CEP295: variants seen among roughly 807,000 people sequenced by gnomAD.
CEP295 encodes the protein centrosomal protein 295.
Under a neutral mutation model 291.6 loss-of-function variants are expected in CEP295, and 190 were observed. The observed-to-expected ratio is 0.65, with a 90% CI of 0.58 to 0.73. The LOEUF is 0.73. Ranked by LOEUF, CEP295 falls within the 30% of genes least tolerant of loss-of-function variation. The pLI, the probability that CEP295 is intolerant of heterozygous loss-of-function variation, is 0.00. For missense variants in CEP295, 2,863 were observed against 2,949.4 expected (o/e 0.97, Z 0.68); for synonymous variants, 993 against 1,038.8 (o/e 0.96, Z 0.85).
Position 93,679,312 on chromosome 11 carries a change from T to C in CEP295, c.625-100T>C, listed in dbSNP as rs1590995855. 6.9e-5 allele frequency: 67 copies of C among 964,802 alleles called. No homozygotes were observed. In the East Asian group the frequency reaches 1.8e-3, roughly 26 times the overall value. 59.8% of individuals were successfully genotyped at this position (964,802 alleles called of 1,614,324 possible). On this transcript the variant is annotated intron_variant, in intron 6 of 29. Coordinates refer to ENST00000325212, the MANE Select transcript of CEP295 (RefSeq NM_033395.2). Reference sequence around the variant, plus strand: ...TTAAAATATAACTCTTCTTATATTTTATATATGTAGAAAACATGATTTTAA... The same window carrying C: ...TTAAAATATAACTCTTCTTATATTTCATATATGTAGAAAACATGATTTTAA...
intron 9 of CEP295, 32 bp downstream of exon 9, chr11:93,684,160 ATTTC>A (rs1310143253): frequency 6.6e-7 from 1 of 1,524,844 alleles, no homozygotes; most frequent in Non-Finnish European, 8.8e-7. Flanking sequence ...ATATTACAGT[ATTTC>A]ACAGAAAAAA....
In CEP295 at chr11:93,698,206, C is replaced by T. The variant is rs1367337930; in HGVS notation, c.3294C>T (p.Ser1098=). The change falls in exon 15 of 30, where the codon AGC becomes AGT. Residue 1098 remains serine (S), a synonymous_variant. Transcript: ENST00000325212. ...DLGDSKSGLV[S]SSSSPVVVQH... ...GGGACAGTAAGTCTGGGCTGGTGAG[C>T]TCTTCATCCTCACCAGTGGTTGTTC... 1 of 1,551,842 alleles carries T rather than the reference C, an allele frequency of 6.4e-7. No individual in the cohort carries two copies. The highest frequency in any genetic ancestry group is 8.7e-7 in the Non-Finnish European group (1 of 1,146,934).
chr11:93,724,754 C>A (rs1437408701), intron 22 of CEP295, among the ~76,000 whole-genome samples: 1 of 151,850 alleles, frequency 6.6e-6, no homozygotes, highest in South Asian at 2.1e-4. Context: ...GTGACAGAGC[C>A]AGACCCTGTC....
In CEP295 at chr11:93,675,653, C is replaced by T. The variant is rs1192194817; in HGVS notation, c.611C>T (p.Thr204Ile). The T allele has an allele frequency of 6.8e-7, 1 of 1,480,942 alleles. No homozygotes were observed. The allele number at this position is 1,480,942 out of a possible 1,614,324, so 91.7% of individuals were successfully genotyped here. A position where few individuals can be genotyped will look rare whatever the true frequency, so the allele number is the denominator to read the frequency against. The change falls in exon 6 of 30, where the codon ACA becomes ATA. Residue 204 changes from threonine to isoleucine, a missense_variant. Thr to Ile is a moderately conservative substitution (Grantham distance 89). Around this residue, in one of 3 missense-constraint regions of CEP295, gnomAD observed 554 missense variants for 576.0 expected, o/e 0.96. Coordinates refer to ENST00000325212, the MANE Select transcript of CEP295 (RefSeq NM_033395.2). ...HHLHTFVNRE[T>I]DTKRPDARLA... is the part of the protein sequence containing the mutation. ...CTTCACACTTTTGTGAATAGAGAGACAGACACAAAACGGGTGATTGACTTA... is the reference window on the plus strand; with the variant it reads ...CTTCACACTTTTGTGAATAGAGAGATAGACACAAAACGGGTGATTGACTTA...
In CEP295 at chr11:93,725,658, AT is replaced by A; in HGVS notation, c.6328del (p.Ser2110LeufsTer21). ...CCTTTTGTTTCCTGCCAGAGATCAG[AT>A]TCTTCATCTGAAAGCCACTGTGCTA... The part of the protein sequence containing the change: ...PDNRDFYQRS[D>X]SSSESHCATG... On this transcript the variant is annotated frameshift_variant, in exon 23 of 30. Transcript: ENST00000325212. LOFTEE classifies it high-confidence loss of function. 6.5e-7 allele frequency: 1 copy of A among 1,538,220 alleles called. No individual in the cohort carries two copies. The highest frequency in any genetic ancestry group is 8.7e-7 in the Non-Finnish European group (1 of 1,143,214).
chr11:93,687,978 C>A, intron 10 of CEP295, 113 bp downstream of exon 10: 1 of 633,058 alleles, frequency 1.6e-6, no homozygotes, highest in Non-Finnish European at 2.5e-6. Context: ...CATAATCCTG[C>A]TAATTAAAAG....
At position 93,689,809 on chromosome 11, in the gene CEP295, G is replaced by A. The variant is rs563680268; in HGVS notation, c.1337-1874G>A. On this transcript the variant is annotated intron_variant, in intron 10 of 29. Coordinates refer to ENST00000325212, the MANE Select transcript of CEP295 (RefSeq NM_033395.2). ...TCCCCAGAGTCTAGACTACTGCCTT[G>A]TACAAAACAGGTGCTCAGTTAACAT... Among the ~76,000 whole-genome samples, 4 of 152,276 alleles carry A rather than the reference G, an allele frequency of 2.6e-5. No homozygotes were observed. The South Asian group carries it at 6.2e-4, about 24-fold the overall frequency.
chr11:93,724,507 C>T (rs971585827), intron 22 of CEP295, 132 bp downstream of exon 22: 41 of 893,008 alleles, frequency 4.6e-5, no homozygotes, highest in South Asian at 1.7e-4. Flanking sequence ...TGGCTCACAC[C>T]TGTAATCCCA....
chr11:93,677,075 T>G (rs1490003621), intron 6 of CEP295, among the ~76,000 whole-genome samples: 1 of 152,100 alleles, frequency 6.6e-6, no homozygotes, highest in Non-Finnish European at 1.5e-5. Flanking sequence ...ATTTGCTGCT[T>G]TACTGTATCA....
intron 21 of CEP295, chr11:93,723,718 G>A: frequency 6.3e-6 from 1 of 159,306 alleles, no homozygotes; most frequent in South Asian, 1.8e-4. Flanking sequence ...CACAATGTCT[G>A]GCCCATAGTA....
intron 17 of CEP295, among the ~76,000 whole-genome samples, chr11:93,705,122 C>T (rs1233314314): frequency 6.6e-6 from 1 of 151,948 alleles, no homozygotes; most frequent in Non-Finnish European, 1.5e-5. Context: ...CAGTTAAATA[C>T]CTCTCAATAT....
chr11:93,675,209 A>C (rs1950629752), intron 5 of CEP295, among the ~76,000 whole-genome samples: 1 of 152,176 alleles, frequency 6.6e-6, no homozygotes, highest in Non-Finnish European at 1.5e-5. Context: ...ATAGTAGTGC[A>C]TGTTGTTGTC....
In CEP295 at chr11:93,698,321, T is replaced by A. The variant is rs1565182982; in HGVS notation, c.3409T>A (p.Ser1137Thr). Residue 1137 changes from serine to threonine, a missense_variant, in exon 15 of 30, where the codon TCC becomes ACC. Coordinates refer to ENST00000325212, the MANE Select transcript of CEP295 (RefSeq NM_033395.2). ...ATCTGAGAAGGAGAATGTAGGTCCC[T>A]CCTGTCATTTGATAATCCCAACATT... is the stretch of plus-strand genomic sequence containing the variant. ...YLSEKENVGPSCHLIIPTFQD... is the reference protein window; with the variant it reads ...YLSEKENVGPTCHLIIPTFQD... 1 of 1,552,034 alleles carries A rather than the reference T, an allele frequency of 6.4e-7. No individual in the cohort carries two copies. The highest frequency in any genetic ancestry group is 1.4e-5 in the African/African-American group (1 of 73,184).
At position 93,727,322 on chromosome 11, in the gene CEP295, A is replaced by G. The variant is rs1228808913; in HGVS notation, c.6846A>G (p.Glu2282=). The G allele has an allele frequency of 6.4e-7, 1 of 1,551,568 alleles. No individual in the cohort carries two copies. ...GCAGAAAGGAAAGTATGGGCTTTGA[A>G]GAACTATCAAAAAGAGGGGTTGTTA... ...LESRKESMGF[E]ELSKRGVVTM... is the part of the protein sequence containing the mutation. The change falls in exon 24 of 30, where the codon GAA becomes GAG. Residue 2282 remains glutamate (E), a synonymous_variant. Coordinates refer to ENST00000325212, the MANE Select transcript of CEP295 (RefSeq NM_033395.2).
intron 8 of CEP295, 103 bp downstream of exon 8, chr11:93,683,845 G>C (rs1365527553): frequency 1.4e-6 from 2 of 1,419,362 alleles, no homozygotes; most frequent in Non-Finnish European, 1.9e-6. Flanking sequence ...TGAGTTCTCT[G>C]TTTGAAGGAG....
At chr11:93,678,052 A>G (rs1253551711) in intron 6 of CEP295, among the ~76,000 whole-genome samples, 1 of 151,922 alleles carries the variant, frequency 6.6e-6, no homozygotes, top group African/African-American at 2.4e-5. Flanking sequence ...CATATCCTTT[A>G]TATGCTTTTT....
At chr11:93,679,630 CAAAG>C in intron 7 of CEP295, 78 bp downstream of exon 7, 1 of 1,232,842 alleles carries the variant, frequency 8.1e-7, no homozygotes, top group Non-Finnish European at 1.1e-6. Flanking sequence ...TGAATGAGCT[CAAAG>C]AAAGGTAGGA....
In CEP295 at chr11:93,714,731, A is replaced by G. The variant is rs1022230734; in HGVS notation, c.5750-6581A>G. Among the ~76,000 whole-genome samples the G allele has an allele frequency of 2.6e-5, 4 of 152,346 alleles. No homozygotes were observed. The East Asian group carries it at 7.7e-4, about 29-fold the overall frequency. On this transcript the variant is annotated intron_variant, in intron 18 of 29. Coordinates refer to ENST00000325212, the MANE Select transcript of CEP295 (RefSeq NM_033395.2). ...AACACTGTAGTTCTTGCAGACTCAT[A>G]GAGGTACTGCCTTGGTGGTCTTGGA...
At chr11:93,681,403 A>ATTTTT (rs71064773) in intron 7 of CEP295, among the ~76,000 whole-genome samples, 6,936 of 36,512 alleles carry the variant, frequency 0.19, 2,440 homozygotes, top group South Asian at 0.36. Flanking sequence ...CACCCAGCTA[A>ATTTTT]TTTTTTTTTT....
Sources: gnomAD v4.1 joint callset for allele counts (sites outside exome capture counted in the v4.1 genomes callset) on GRCh38, gnomAD v4.1.1 for gene constraint, gnomAD v4.1.1 regional missense constraint, MANE v1.5 for transcripts, NCBI Gene and HGNC (gene_info 2026-07-23, HGNC 2026-07-21) for gene names.